THOP1: variants seen among roughly 807,000 people sequenced by gnomAD.
THOP1 encodes thimet oligopeptidase.
In THOP1, 49 loss-of-function variants were observed where a neutral mutation model predicts 71.8. That is an observed-to-expected ratio of 0.68 (90% CI 0.54 to 0.87). The LOEUF is 0.87. Ranked by LOEUF, THOP1 falls within the 40% of genes least tolerant of loss-of-function variation. THOP1 has a pLI of 0.00. For synonymous variants in THOP1, 426 were observed against 421.5 expected, an observed-to-expected ratio of 1.01 and a Z score of -0.13; for missense variants, 843 against 975.6, an observed-to-expected ratio of 0.86 and a Z score of 1.81.
intron 2 of THOP1, among the ~76,000 whole-genome samples, chr19:2,793,094 G>A (rs1915922729): frequency 6.6e-6 from 1 of 151,988 alleles, no homozygotes; most frequent in Non-Finnish European, 1.5e-5. Flanking sequence ...AGAATCACTT[G>A]AACCCGGGAG....
Position 2,804,992 on chromosome 19 carries a change from G to A in THOP1, c.590-24G>A. ...CTGTGGGCCCATCAGTCCTGTCAAA[G>A]CCACCCTGGTTCTGTCCCCATAGGA... On this transcript the variant is annotated intron_variant, in intron 5 of 12. Coordinates refer to ENST00000307741, the MANE Select transcript of THOP1 (RefSeq NM_003249.5). This position sits in a 1 kb window ranked among gnomAD's most constrained non-coding sequence, Gnocchi z 4.7. 1 of 1,603,424 alleles carries A rather than the reference G, an allele frequency of 6.2e-7. No individual in the cohort carries two copies. Among genetic ancestry groups the A allele is most frequent in the Middle Eastern group, 1.7e-4 (1 of 6,020 alleles).
rs746906120 is a variant in THOP1, at chr19:2,808,390, G to A, written c.1401G>A (p.Glu467=). The stretch of plus-strand genomic sequence containing the variant: ...CGCCCTCGCTGCTGCAGCATGACGA[G>A]GTGGAGACCTACTTCCATGAGTTTG... ...ADAPSLLQHD[E]VETYFHEFGH... Residue 467 remains glutamate (E), a synonymous_variant, in exon 9 of 13, where the codon GAG becomes GAA. Coordinates refer to ENST00000307741, the MANE Select transcript of THOP1 (RefSeq NM_003249.5). 2.7e-5 allele frequency: 44 copies of A among 1,611,396 alleles called. No individual in the cohort carries two copies. Among genetic ancestry groups the A allele is most frequent in the Non-Finnish European group, 3.6e-5 (42 of 1,178,912 alleles).
At chr19:2,802,981 T>C (rs1329483136) in intron 5 of THOP1, among the ~76,000 whole-genome samples, 3 of 152,254 alleles carry the variant, frequency 2.0e-5, no homozygotes, top group Non-Finnish European at 4.4e-5. Flanking sequence ...CTGCTCTTAC[T>C]GTGGGGCACA....
Position 2,785,578 on chromosome 19 carries a change from G to T in THOP1, c.-85G>T. On this transcript the variant is annotated 5_prime_UTR_variant, in exon 1 of 13. An upstream open reading frame in the 5' UTR gains an earlier in-frame stop. Coordinates refer to ENST00000307741, the MANE Select transcript of THOP1 (RefSeq NM_003249.5). ...TGGCGGCGGTGGCGGCGGTTGGGCC[G>T]AGGCAGGCGGCCTCAGTGGCCGAGG... is the stretch of plus-strand genomic sequence containing the variant. 6.9e-7 allele frequency: 1 copy of T among 1,441,266 alleles called. No homozygotes were observed. The highest frequency in any genetic ancestry group is 2.9e-5 in the East Asian group (1 of 33,982). The allele number at this position is 1,441,266 out of a possible 1,614,324, so 89.3% of individuals were successfully genotyped here.
At chr19:2,795,349 G>A (rs965762974) in intron 3 of THOP1, among the ~76,000 whole-genome samples, 13 of 152,230 alleles carry the variant, frequency 8.5e-5, no homozygotes, top group African/African-American at 3.1e-4. Context: ...AGGGCCTGGC[G>A]GCATGGCTGC....
Position 2,794,818 on chromosome 19 carries a change from G to A in THOP1, c.284G>A (p.Arg95Gln), listed in dbSNP as rs753521542. 21 of 1,613,832 alleles carry A rather than the reference G, an allele frequency of 1.3e-5. No homozygotes were observed. Among genetic ancestry groups the A allele is most frequent in the East Asian group, 2.2e-5 (1 of 44,894 alleles). ...CATGTTTCCCCCTCCAAGGACATCCGGACAGCCAGCACAGAGGCCGACAAG... is the reference window on the plus strand; with the variant it reads ...CATGTTTCCCCCTCCAAGGACATCCAGACAGCCAGCACAGAGGCCGACAAG... ...PQHVSPSKDIRTASTEADKKL... is the reference protein window; with the variant it reads ...PQHVSPSKDIQTASTEADKKL... Residue 95 changes from arginine to glutamine, a missense_variant, in exon 3 of 13, where the codon CGG (arginine) becomes CAG (glutamine). Coordinates refer to ENST00000307741, the MANE Select transcript of THOP1 (RefSeq NM_003249.5).
chr19:2,790,052 C>T (rs1004488768), intron 1 of THOP1: 3 of 164,518 alleles, frequency 1.8e-5, no homozygotes, highest in Non-Finnish European at 3.9e-5. Flanking sequence ...CAAGCCTGGC[C>T]GGGCAGGGGG....
At chr19:2,794,449 G>A (rs564148621) in intron 2 of THOP1, among the ~76,000 whole-genome samples, 4 of 152,334 alleles carry the variant, frequency 2.6e-5, no homozygotes, top group Admixed American at 6.5e-5. Flanking sequence ...ATGGAATTCC[G>A]TCAGCCTCTG....
At position 2,793,639 on chromosome 19, in the gene THOP1, GA is replaced by G. The variant is rs1448864157; in HGVS notation, c.230-1124del. On this transcript the variant is annotated intron_variant, in intron 2 of 12. Coordinates refer to ENST00000307741, the MANE Select transcript of THOP1 (RefSeq NM_003249.5). ...CAGGAGTTGAAGGTTGCAGTGAGCC[GA>G]GACTGCACCACTGCACTCCAGCTTG... 4.6e-5 allele frequency among the ~76,000 whole-genome samples: 7 copies of G among 152,262 alleles called. No homozygotes were observed. The East Asian group carries it at 1.3e-3, about 29-fold the overall frequency.
rs768022469 is a variant in THOP1 at position 2,806,964 on chromosome 19, G to T, written c.798G>T (p.Lys266Asn). ...AGCTGGTGACGCTGCGGGCCCAGAA[G>T]TCCCGCCTGCTGGGGTTCCACACGC... is the stretch of plus-strand genomic sequence containing the variant. ...LKELVTLRAQ[K>N]SRLLGFHTHA... The change falls in exon 7 of 13, where the codon AAG (lysine) becomes AAT (asparagine). Residue 266 changes from lysine to asparagine, a missense_variant. Lys to Asn is a moderately conservative substitution (Grantham distance 94). Transcript: ENST00000307741. 1.2e-6 allele frequency: 2 copies of T among 1,613,098 alleles called. No individual in the cohort carries two copies. The highest frequency in any genetic ancestry group is 1.1e-5 in the South Asian group (1 of 91,066).
chr19:2,807,186 C>T (rs1916314210), intron 7 of THOP1, 134 bp downstream of exon 7: 1 of 1,301,782 alleles, frequency 7.7e-7, no homozygotes, highest in South Asian at 1.6e-5. Flanking sequence ...CCTGCCCTGG[C>T]TCCCTCACTC....
chr19:2,796,792 G>A (rs2144764980), intron 4 of THOP1, among the ~76,000 whole-genome samples: 1 of 152,288 alleles, frequency 6.6e-6, no homozygotes, highest in Admixed American at 6.5e-5. Context: ...TCTTCTGCCT[G>A]AGGACCTGAA....
At chr19:2,810,822 C>CT in intron 11 of THOP1, 54 bp downstream of exon 11, 1 of 1,568,582 alleles carries the variant, frequency 6.4e-7, no homozygotes, top group Non-Finnish European at 8.6e-7. Flanking sequence ...AGCTGCTTCC[C>CT]TGGGAAGGTG....
chr19:2,807,364 C>T (rs1227198627), intron 7 of THOP1, 78 bp from the exon 8 acceptor site: 21 of 1,476,994 alleles, frequency 1.4e-5, no homozygotes, highest in Non-Finnish European at 1.4e-5. Flanking sequence ...CTGACGAAGT[C>T]GCGGCCGCGG....
chr19:2,786,356 C>T (rs1915741872), intron 1 of THOP1, among the ~76,000 whole-genome samples: 1 of 152,142 alleles, frequency 6.6e-6, no homozygotes, highest in Non-Finnish European at 1.5e-5. Context: ...GTCAATCCTC[C>T]CGCCTCAGCC....
At chr19:2,792,645 G>GT (rs942133685) in intron 2 of THOP1, among the ~76,000 whole-genome samples, 59 of 150,276 alleles carry the variant, frequency 3.9e-4, no homozygotes, top group African/African-American at 1.2e-3. Flanking sequence ...TATTATTAGG[G>GT]TTTTTTTTTG....
chr19:2,812,522 C>T, intron 12 of THOP1: 1 of 985,784 alleles, frequency 1.0e-6, no homozygotes, highest in Non-Finnish European at 1.4e-6. Context: ...AGCAGCTCCC[C>T]CTGCTGCTGA....
chr19:2,795,074 T>C (rs1026546930), intron 3 of THOP1, among the ~76,000 whole-genome samples, 162 bp downstream of exon 3: 1 of 152,202 alleles, frequency 6.6e-6, no homozygotes, highest in Non-Finnish European at 1.5e-5. Flanking sequence ...TCCGCCCACC[T>C]CGGCCTCCCA....
intron 12 of THOP1, among the ~76,000 whole-genome samples, chr19:2,812,722 C>T (rs1032592409): frequency 2.0e-4 from 30 of 152,216 alleles, no homozygotes; most frequent in Non-Finnish European, 4.4e-5. Context: ...CTCACCTGCC[C>T]GTAGTCCCGC....
Sources: allele counts gnomAD v4.1 joint callset (sites outside exome capture counted in the v4.1 genomes callset), GRCh38; gene constraint gnomAD v4.1.1; non-coding constraint Gnocchi (gnomAD v3.1); transcripts MANE v1.5; gene names NCBI Gene and HGNC (gene_info 2026-07-23, HGNC 2026-07-21).